Variants in CDH20 observed in about 807,000 individuals in gnomAD.
The protein encoded by CDH20 is cadherin 20.
CDH20 carries 29 observed loss-of-function variants against 74.2 expected under a neutral mutation model. The ratio of observed to expected loss-of-function variants is 0.39; its 90% confidence interval spans 0.29 to 0.53. The LOEUF (loss-of-function observed/expected upper bound fraction) is 0.53, where lower values mean the gene tolerates loss of function less well. CDH20 is among the 20% of genes least tolerant of loss of function. The pLI is 0.69. For synonymous variants in CDH20, 469 were observed against 405.4 expected, an observed-to-expected ratio of 1.16 and a Z score of -1.88; for missense variants, 988 against 1,048.3, an observed-to-expected ratio of 0.94 and a Z score of 0.79.
chr18:61,360,843 G>A (rs1313819481), intron 1 of CDH20, among the ~76,000 whole-genome samples: 1 of 152,166 alleles, frequency 6.6e-6, no homozygotes, highest in African/African-American at 2.4e-5. Context: ...TGCTAAAGTG[G>A]CCATCAAAAC....
Position 61,554,418 on chromosome 18 carries a change from G to T in CDH20, c.2129G>T (p.Arg710Leu), listed in dbSNP as rs200411919. The change falls in exon 12 of 12, where the codon CGC becomes CTC. Residue 710 changes from arginine to leucine, a missense_variant. Transcript: ENST00000262717. ...CTGCCCGAGATCGAGAGCCTCTCCC[G>T]CTACGTGCCTCAGACGTGCGCAGTG... Reference protein sequence around the residue: ...DMLPEIESLSRYVPQTCAVNS... With the variant: ...DMLPEIESLSLYVPQTCAVNS... 27 of 1,613,010 alleles carry T rather than the reference G, an allele frequency of 1.7e-5. No individual in the cohort carries two copies. In the Admixed American group the frequency reaches 3.3e-4, roughly 20 times the overall value.
chr18:61,532,173 C>A (rs1261004999), intron 7 of CDH20, among the ~76,000 whole-genome samples: 2 of 152,128 alleles, frequency 1.3e-5, no homozygotes, highest in African/African-American at 2.4e-5. Context: ...ACTCCTCAGA[C>A]TTCTTACCTG....
intron 9 of CDH20, among the ~76,000 whole-genome samples, chr18:61,542,835 G>C (rs1913089010): frequency 6.6e-6 from 1 of 152,172 alleles, no homozygotes; most frequent in Non-Finnish European, 1.5e-5. Context: ...CAAGGCAGGA[G>C]GGGAAGGTGC....
At chr18:61,421,897 G>A (rs900811879) in intron 1 of CDH20, among the ~76,000 whole-genome samples, 1 of 151,970 alleles carries the variant, frequency 6.6e-6, no homozygotes, top group Non-Finnish European at 1.5e-5. Flanking sequence ...TGTCAATGAG[G>A]GGGGAAAATT....
intron 1 of CDH20, among the ~76,000 whole-genome samples, chr18:61,472,385 G>A (rs554668975): frequency 3.3e-5 from 5 of 151,856 alleles, no homozygotes; most frequent in Admixed American, 6.6e-5. Flanking sequence ...CCTCGCATCC[G>A]ATGGCCTCTT....
At chr18:61,531,969 G>A (rs28553392) in intron 7 of CDH20, among the ~76,000 whole-genome samples, 22 of 152,192 alleles carry the variant, frequency 1.4e-4, no homozygotes, top group African/African-American at 5.3e-4. Context: ...TCTTGGGTAT[G>A]TCTTTATTAG....
chr18:61,390,450 G>A (rs4941018), intron 1 of CDH20, among the ~76,000 whole-genome samples: 17,372 of 152,132 alleles, frequency 0.11, 1,186 homozygotes, highest in East Asian at 0.34. Context: ...CCAAACTTGC[G>A]ACAGGATATT....
At chr18:61,552,382 T>C (rs1047693634) in intron 11 of CDH20, among the ~76,000 whole-genome samples, 2 of 152,028 alleles carry the variant, frequency 1.3e-5, no homozygotes, top group Non-Finnish European at 2.9e-5. Flanking sequence ...ATTTGTTATT[T>C]ACCTAATTAG....
intron 1 of CDH20, among the ~76,000 whole-genome samples, chr18:61,367,056 T>C (rs569563301): frequency 2.6e-5 from 4 of 152,230 alleles, no homozygotes; most frequent in African/African-American, 9.6e-5. Flanking sequence ...AATAAGAAAA[T>C]GAGTCTATTG....
chr18:61,467,122 G>A (rs1909988220), intron 1 of CDH20, among the ~76,000 whole-genome samples: 2 of 152,134 alleles, frequency 1.3e-5, no homozygotes, highest in African/African-American at 2.4e-5. Context: ...TCCTAAAGGT[G>A]TCTGGTACCA....
intron 1 of CDH20, among the ~76,000 whole-genome samples, chr18:61,425,491 A>C (rs12458089): frequency 0.21 from 32,671 of 152,098 alleles, 3,693 homozygotes; most frequent in Non-Finnish European, 0.26. Context: ...AACCATAGCA[A>C]AGGCCTGCCC....
chr18:61,440,569 T>G (rs1481746336), intron 1 of CDH20, among the ~76,000 whole-genome samples: 1 of 152,132 alleles, frequency 6.6e-6, no homozygotes, highest in Non-Finnish European at 1.5e-5. Flanking sequence ...AAGACTAAAA[T>G]CAACTTGACA....
chr18:61,420,865 C>A (rs1187482097), intron 1 of CDH20, among the ~76,000 whole-genome samples: 1 of 152,092 alleles, frequency 6.6e-6, no homozygotes, highest in Non-Finnish European at 1.5e-5. Flanking sequence ...GCTAGCCTGG[C>A]CAACATGGCA....
rs573654162 is a variant in CDH20, at chr18:61,554,067, C to G, written c.1901-123C>G. 114 of 1,157,640 alleles carry G rather than the reference C, an allele frequency of 9.8e-5. 1 individual carries two copies. In the South Asian group the frequency reaches 1.6e-3, roughly 16 times the overall value. 71.7% of individuals were successfully genotyped at this position (1,157,640 alleles called of 1,614,324 possible). ...CCCCGAGGTTTCAGATATCCAAAAG[C>G]TATCTCTGAGCCCTCCACTCGGTAG... On this transcript the variant is annotated intron_variant, in intron 11 of 11. Coordinates refer to ENST00000262717, the MANE Select transcript of CDH20 (RefSeq NM_031891.4).
intron 1 of CDH20, among the ~76,000 whole-genome samples, chr18:61,401,742 A>T (rs1364297745): frequency 6.6e-6 from 1 of 152,242 alleles, no homozygotes; most frequent in Non-Finnish European, 1.5e-5. Flanking sequence ...TTAATAAATT[A>T]AAACACAGCA....
At chr18:61,474,667 T>C (rs1350589714) in intron 1 of CDH20, among the ~76,000 whole-genome samples, 3 of 152,196 alleles carry the variant, frequency 2.0e-5, no homozygotes, top group Non-Finnish European at 4.4e-5. Context: ...AGTTTTATTA[T>C]ATTCCTGTTG....
chr18:61,505,364 G>C (rs557558780), intron 5 of CDH20, among the ~76,000 whole-genome samples: 22 of 141,852 alleles, frequency 1.6e-4, no homozygotes, highest in Non-Finnish European at 3.0e-5. Flanking sequence ...TTGAGACAGG[G>C]TCTTGCTCTG....
chr18:61,360,512 G>A (rs992998722), intron 1 of CDH20, among the ~76,000 whole-genome samples: 3 of 152,168 alleles, frequency 2.0e-5, no homozygotes, highest in African/African-American at 7.2e-5. Context: ...TGTAAAGGAA[G>A]AGCCCAGGCA....
intron 1 of CDH20, among the ~76,000 whole-genome samples, chr18:61,463,334 C>T (rs77338269): frequency 1.8e-4 from 28 of 152,290 alleles, no homozygotes; most frequent in African/African-American, 6.3e-4. Context: ...CTCATCCTCC[C>T]AGAGCTTTTC....
Sources: allele counts gnomAD v4.1 joint callset (sites outside exome capture counted in the v4.1 genomes callset), GRCh38; gene constraint gnomAD v4.1.1; transcripts MANE v1.5; gene names NCBI Gene and HGNC (gene_info 2026-07-23, HGNC 2026-07-21).